The following CHCHD3 variants were observed in gnomAD, a reference collection of about 807,000 sequenced individuals.
The protein encoded by CHCHD3 is coiled-coil-helix-coiled-coil-helix domain containing 3.
A neutral mutation model predicts 38.2 loss-of-function variants in CHCHD3; 20 were observed. The observed-to-expected ratio is 0.52, with a 90% CI of 0.37 to 0.76. The LOEUF is 0.76. Among genes scored for constraint, CHCHD3 ranks in the 30% least tolerant of loss-of-function variants. The pLI is 0.00. For missense variants in CHCHD3, 245 were observed against 279.2 expected (o/e 0.88, Z 0.87); for synonymous variants, 82 against 100.0 (o/e 0.82, Z 1.07).
At chr7:132,847,266 T>G (rs1808098798) in intron 5 of CHCHD3, 1 of 152,242 alleles carries the variant, frequency 6.6e-6, no homozygotes, top group South Asian at 2.1e-4. Context: ...TATTTTTGTT[T>G]TCTCACTTCT....
chr7:132,911,584 G>A (rs1809953290), intron 4 of CHCHD3, among the ~76,000 whole-genome samples: 1 of 152,172 alleles, frequency 6.6e-6, no homozygotes, highest in Non-Finnish European at 1.5e-5. Context: ...GTAGTGATTT[G>A]GGAAAATACA....
intron 3 of CHCHD3, among the ~76,000 whole-genome samples, chr7:132,982,728 G>A (rs986345544): frequency 7.2e-5 from 11 of 152,176 alleles, no homozygotes; most frequent in East Asian, 1.9e-4. Context: ...ATTATATTTC[G>A]GATGAAAAGC....
chr7:133,019,914 T>C (rs1357621853), intron 3 of CHCHD3, among the ~76,000 whole-genome samples: 1 of 152,164 alleles, frequency 6.6e-6, no homozygotes, highest in Non-Finnish European at 1.5e-5. Flanking sequence ...TATTATGTCC[T>C]TGCTATATTG....
At chr7:132,835,312 C>A (rs1383607850) in intron 6 of CHCHD3, among the ~76,000 whole-genome samples, 1 of 152,154 alleles carries the variant, frequency 6.6e-6, no homozygotes, top group Non-Finnish European at 1.5e-5. Flanking sequence ...CTAGGAAATT[C>A]GAAGGATTTA....
intron 4 of CHCHD3, among the ~76,000 whole-genome samples, chr7:132,966,056 C>A (rs1811456692): frequency 6.6e-6 from 1 of 152,098 alleles, no homozygotes; most frequent in South Asian, 2.1e-4. Context: ...CTGTGTAAAT[C>A]ATATTCTGCC....
intron 2 of CHCHD3, among the ~76,000 whole-genome samples, chr7:133,036,272 T>G (rs1258984249): frequency 1.3e-5 from 2 of 152,188 alleles, no homozygotes. Context: ...GATTGTAACA[T>G]TTTTATCTCA....
intron 4 of CHCHD3, among the ~76,000 whole-genome samples, chr7:132,953,091 T>C (rs1811069778): frequency 9.5e-6 from 1 of 105,404 alleles, no homozygotes; most frequent in Non-Finnish European, 2.0e-5. Context: ...GTCCATGAAC[T>C]AATGTCATCC....
At chr7:132,805,367 G>T (rs566366616) in intron 6 of CHCHD3, among the ~76,000 whole-genome samples, 1 of 152,028 alleles carries the variant, frequency 6.6e-6, no homozygotes, top group Admixed American at 6.6e-5. Flanking sequence ...GAGGAGATGG[G>T]ACTTTAAAAA....
intron 6 of CHCHD3, among the ~76,000 whole-genome samples, chr7:132,809,780 T>C (rs1282060555): frequency 2.0e-5 from 3 of 152,224 alleles, no homozygotes; most frequent in Admixed American, 6.5e-5. Flanking sequence ...AGCTATGTTA[T>C]ACAATTATAA....
At chr7:132,906,825 A>G (rs1809814848) in intron 4 of CHCHD3, among the ~76,000 whole-genome samples, 1 of 152,208 alleles carries the variant, frequency 6.6e-6, no homozygotes, top group South Asian at 2.1e-4. Context: ...AACGTAACAT[A>G]AAACTATTAA....
intron 5 of CHCHD3, among the ~76,000 whole-genome samples, chr7:132,860,948 T>C (rs979814550): frequency 1.3e-5 from 2 of 152,154 alleles, no homozygotes; most frequent in African/African-American, 4.8e-5. Context: ...TAAAAAACCA[T>C]AGCTCTTGGC....
chr7:132,923,446 G>A (rs1480079349), intron 4 of CHCHD3, among the ~76,000 whole-genome samples: 1 of 151,982 alleles, frequency 6.6e-6, no homozygotes, highest in Non-Finnish European at 1.5e-5. Context: ...ATATTCAGAG[G>A]GAAGAAAATA....
chr7:133,055,674 G>A (rs1258167914), intron 2 of CHCHD3, among the ~76,000 whole-genome samples: 2 of 149,412 alleles, frequency 1.3e-5, no homozygotes, highest in East Asian at 1.9e-4. Context: ...ATATGTGTGT[G>A]TATACATAAA....
At chr7:132,829,578 G>A (rs781096734) in intron 6 of CHCHD3, among the ~76,000 whole-genome samples, 5 of 152,096 alleles carry the variant, frequency 3.3e-5, no homozygotes, top group Non-Finnish European at 7.4e-5. Context: ...CCACTTATAC[G>A]AAAGGAAAGA....
At chr7:132,965,178 A>G (rs1811429887) in intron 4 of CHCHD3, among the ~76,000 whole-genome samples, 1 of 152,052 alleles carries the variant, frequency 6.6e-6, no homozygotes. Flanking sequence ...CACGTGCCTA[A>G]AAGTCCATTT....
intron 4 of CHCHD3, among the ~76,000 whole-genome samples, chr7:132,932,047 T>G (rs1052572467): frequency 6.6e-6 from 1 of 152,184 alleles, no homozygotes; most frequent in Non-Finnish European, 1.5e-5. Flanking sequence ...AGTTTATTTT[T>G]TTTCAGACCC....
chr7:132,929,119 A>C (rs1810456491), intron 4 of CHCHD3, among the ~76,000 whole-genome samples: 1 of 152,154 alleles, frequency 6.6e-6, no homozygotes. Flanking sequence ...AATAATAACT[A>C]TCCTGGCTTT....
At chr7:133,008,020 G>A (rs983559241) in intron 3 of CHCHD3, among the ~76,000 whole-genome samples, 1 of 152,146 alleles carries the variant, frequency 6.6e-6, no homozygotes, top group East Asian at 1.9e-4. Context: ...TATCTGTTAT[G>A]TTGGGGGAAA....
At chr7:132,821,312 C>T (rs1160263739) in intron 6 of CHCHD3, among the ~76,000 whole-genome samples, 1 of 152,140 alleles carries the variant, frequency 6.6e-6, no homozygotes, top group Non-Finnish European at 1.5e-5. Context: ...TACCATTTCA[C>T]AGATATAAAA....
Sources: gnomAD v4.1 joint callset for allele counts (sites outside exome capture counted in the v4.1 genomes callset) on GRCh38, gnomAD v4.1.1 for gene constraint, MANE v1.5 for transcripts, NCBI Gene and HGNC (gene_info 2026-07-23, HGNC 2026-07-21) for gene names.